Variants in SLC15A5 observed in about 807,000 individuals in gnomAD.
The protein encoded by SLC15A5 is Peptide/histidine transporter ENSP00000340402.
Under a neutral mutation model 56.1 loss-of-function variants are expected in SLC15A5, and 58 were observed. That is an observed-to-expected ratio of 1.03 (90% CI 0.84 to 1.29). The LOEUF is 1.29. SLC15A5 is among the 50% of genes most tolerant of loss of function. The pLI, the probability that SLC15A5 is intolerant of heterozygous loss-of-function variation, is 0.00. For missense variants in SLC15A5, 681 were observed against 672.1 expected (o/e 1.01, Z -0.15); for synonymous variants, 264 against 250.5 (o/e 1.05, Z -0.51).
At chr12:16,238,824 C>T (rs1455018817) in intron 5 of SLC15A5, among the ~76,000 whole-genome samples, 5 of 152,116 alleles carry the variant, frequency 3.3e-5, no homozygotes, top group African/African-American at 1.2e-4. Context: ...AATGTGTCCC[C>T]TGCACATAAT....
intron 3 of SLC15A5, among the ~76,000 whole-genome samples, chr12:16,256,934 ATAGATAG>A (rs1864581471): frequency 6.6e-6 from 1 of 151,682 alleles, no homozygotes; most frequent in Non-Finnish European, 1.5e-5. Context: ...AGATAGATAG[ATAGATAG>A]ATAGATAGAT....
At chr12:16,198,676 C>T (rs77663916) in intron 7 of SLC15A5, among the ~76,000 whole-genome samples, 6,670 of 152,104 alleles carry the variant, frequency 0.044, 201 homozygotes, top group African/African-American at 0.07. Flanking sequence ...TACCTAAGGA[C>T]GACATTTCTA....
intron 1 of SLC15A5, among the ~76,000 whole-genome samples, chr12:16,274,379 C>T (rs377556015): frequency 2.6e-5 from 4 of 151,930 alleles, no homozygotes; most frequent in African/African-American, 7.2e-5. Flanking sequence ...CCTCCATGTT[C>T]GTTTTGCTCT....
chr12:16,236,660 A>C (rs1046148857), intron 5 of SLC15A5, among the ~76,000 whole-genome samples: 5 of 152,174 alleles, frequency 3.3e-5, no homozygotes, highest in Admixed American at 2.6e-4. Flanking sequence ...TTTGCATGTA[A>C]AACATTAGGC....
chr12:16,213,199 A>G (rs1864099640), intron 7 of SLC15A5, among the ~76,000 whole-genome samples: 2 of 152,196 alleles, frequency 1.3e-5, no homozygotes, highest in South Asian at 4.1e-4. Context: ...GGAATCATGC[A>G]ATATGAAAAG....
chr12:16,267,138 G>A (rs1405488725), intron 2 of SLC15A5, among the ~76,000 whole-genome samples: 1 of 152,180 alleles, frequency 6.6e-6, no homozygotes, highest in African/African-American at 2.4e-5. Context: ...ATCTGAGACA[G>A]TATCAAAGAA....
chr12:16,244,443 T>G, intron 4 of SLC15A5, 137 bp downstream of exon 4: 40 of 761,384 alleles, frequency 5.3e-5, no homozygotes, highest in Non-Finnish European at 7.5e-5. Context: ...CCTGTAATGA[T>G]GAGAAGTTTC....
intron 2 of SLC15A5, among the ~76,000 whole-genome samples, chr12:16,265,142 G>A (rs1360800900): frequency 6.6e-6 from 1 of 152,194 alleles, no homozygotes; most frequent in Non-Finnish European, 1.5e-5. Context: ...TCAGCTTCAT[G>A]AATTGCAGAT....
At chr12:16,221,177 A>G (rs1169733730) in intron 6 of SLC15A5, among the ~76,000 whole-genome samples, 3 of 152,214 alleles carry the variant, frequency 2.0e-5, no homozygotes, top group Non-Finnish European at 4.4e-5. Flanking sequence ...TTCAATCAAA[A>G]TGTATTTATT....
At chr12:16,219,196 T>A (rs1396176288) in intron 6 of SLC15A5, among the ~76,000 whole-genome samples, 1 of 152,048 alleles carries the variant, frequency 6.6e-6, no homozygotes, top group East Asian at 1.9e-4. Context: ...CAAACGCTGA[T>A]TGGAGATGAA....
chr12:16,197,115 C>T (rs562606599), intron 7 of SLC15A5, among the ~76,000 whole-genome samples: 8 of 151,874 alleles, frequency 5.3e-5, no homozygotes, highest in Non-Finnish European at 7.4e-5. Flanking sequence ...AACCCCAAAC[C>T]GAAGATTGCC....
At position 16,229,647 on chromosome 12, in the gene SLC15A5, TACACACACAC is replaced by T. The variant is rs71438372; in HGVS notation, c.1163-5055_1163-5046del. On this transcript the variant is annotated intron_variant, in intron 5 of 8. Transcript: ENST00000344941. ...GTTCAAAGTAAGCAACACACACACA[TACACACACAC>T]ACACACACACACACACACACACACA... is the stretch of plus-strand genomic sequence containing the variant. Among the ~76,000 whole-genome samples, 266 of 144,386 alleles carry T rather than the reference TACACACACAC, an allele frequency of 1.8e-3. 6 individuals carry two copies. In the East Asian group the frequency reaches 0.029, roughly 16 times the overall value. 94.7% of individuals were successfully genotyped at this position (144,386 alleles called of 152,430 possible).
chr12:16,264,719 G>A (rs1864676637), intron 2 of SLC15A5, among the ~76,000 whole-genome samples: 1 of 152,184 alleles, frequency 6.6e-6, no homozygotes, highest in South Asian at 2.1e-4. Context: ...TCTCGTGATA[G>A]TGAATAGGTC....
chr12:16,221,513 A>G (rs992958318), intron 6 of SLC15A5, among the ~76,000 whole-genome samples: 2 of 152,200 alleles, frequency 1.3e-5, no homozygotes, highest in Non-Finnish European at 2.9e-5. Context: ...AAACACACAC[A>G]TTTCTGGGGA....
At chr12:16,220,035 T>C (rs6488828) in intron 6 of SLC15A5, among the ~76,000 whole-genome samples, 84,410 of 151,890 alleles carry the variant, frequency 0.56, 23,731 homozygotes, top group South Asian at 0.73. Context: ...TGGGGACTTA[T>C]TGCTGGAAAT....
rs1864771477 is a variant in SLC15A5 at position 16,272,583 on chromosome 12, T to C, written c.562A>G (p.Lys188Glu). The stretch of plus-strand genomic sequence containing the variant: ...TACCAGTTAAAAAAAGACATCGTTT[T>C]TTGTGATCCATACTCCTGAAGGCCA... ...AFGLQEYGSQ[K>E]TMSFFNWFYW... is the part of the protein sequence containing the mutation. Residue 188 changes from lysine to glutamate, a missense_variant, in exon 2 of 9, where the codon AAA becomes GAA. Coordinates refer to ENST00000344941, the MANE Select transcript of SLC15A5 (RefSeq NM_001170798.1). The C allele has an allele frequency of 4.6e-6, 7 of 1,536,904 alleles. No individual in the cohort carries two copies. Among genetic ancestry groups the C allele is most frequent in the Non-Finnish European group, 6.1e-6 (7 of 1,146,642 alleles).
intron 5 of SLC15A5, among the ~76,000 whole-genome samples, chr12:16,239,360 G>A (rs1246491824): frequency 1.3e-5 from 2 of 152,104 alleles, no homozygotes; most frequent in African/African-American, 4.8e-5. Flanking sequence ...TTATTTTTAA[G>A]AACCTATTTG....
chr12:16,194,543 C>T (rs563601806), intron 7 of SLC15A5, 90 bp from the exon 8 acceptor site: 8 of 870,400 alleles, frequency 9.2e-6, no homozygotes, highest in Admixed American at 5.2e-5. Context: ...GAGCTTTGTT[C>T]GCTTCAGTAA....
intron 2 of SLC15A5, among the ~76,000 whole-genome samples, chr12:16,259,905 G>GGGA (rs1555173564): frequency 6.8e-6 from 1 of 146,406 alleles, no homozygotes; most frequent in Non-Finnish European, 1.5e-5. Context: ...CCCGGGCGGG[G>GGGA]GGTAAGTTAG....
Sources: allele counts gnomAD v4.1 joint callset (sites outside exome capture counted in the v4.1 genomes callset), GRCh38; gene constraint gnomAD v4.1.1; transcripts MANE v1.5; gene names NCBI Gene and HGNC (gene_info 2026-07-23, HGNC 2026-07-21).